Variants in SYN3 observed in about 807,000 individuals in gnomAD.
The protein encoded by SYN3 is synapsin III.
In SYN3, 35 loss-of-function variants were observed where a neutral mutation model predicts 65.8. The observed-to-expected ratio is 0.53, with a 90% CI of 0.41 to 0.70. The LOEUF is 0.70. Among genes scored for constraint, SYN3 ranks in the 30% least tolerant of loss-of-function variants. The pLI, the probability that SYN3 is intolerant of heterozygous loss-of-function variation, is 0.00. For synonymous variants in SYN3, 270 were observed against 292.9 expected, an observed-to-expected ratio of 0.92 and a Z score of 0.80; for missense variants, 680 against 749.0, an observed-to-expected ratio of 0.91 and a Z score of 1.08.
intron 2 of SYN3, among the ~76,000 whole-genome samples, chr22:32,990,280 C>A (rs1235894826): frequency 3.6e-5 from 5 of 139,454 alleles, no homozygotes; most frequent in Non-Finnish European, 7.4e-5. Flanking sequence ...ATCCATGAAT[C>A]CATCCATGAA....
intron 6 of SYN3, among the ~76,000 whole-genome samples, chr22:32,743,115 T>C (rs2044823397): frequency 6.6e-6 from 1 of 152,226 alleles, no homozygotes; most frequent in Non-Finnish European, 1.5e-5. Flanking sequence ...CAATATGAGA[T>C]AATCAGCATT....
intron 6 of SYN3, among the ~76,000 whole-genome samples, chr22:32,800,409 C>A (rs1425269945): frequency 6.6e-6 from 1 of 152,186 alleles, no homozygotes; most frequent in East Asian, 1.9e-4. Flanking sequence ...GAGTTCCTGG[C>A]TGGCCACCAA....
rs1336568722 is a variant in SYN3, at chr22:32,837,533, G to A, written c.711+27382C>T. 6.6e-6 allele frequency among the ~76,000 whole-genome samples: 1 copy of A among 152,150 alleles called. No homozygotes were observed. The highest frequency in any genetic ancestry group is 1.5e-5 in the Non-Finnish European group (1 of 68,026). ...AGGGCTTGAGGGGAGACAGGGTACG[G>A]CGGGAGACAGAGATGCATGAAATAC... On this transcript the variant is annotated intron_variant, in intron 6 of 13. Transcript: ENST00000358763. The surrounding 1 kb of genome is among the most constrained non-coding windows in gnomAD (Gnocchi z 4.1).
intron 7 of SYN3, among the ~76,000 whole-genome samples, chr22:32,592,519 C>T (rs1446511229): frequency 6.6e-6 from 1 of 152,166 alleles, no homozygotes; most frequent in Non-Finnish European, 1.5e-5. Context: ...TGTTCCATCT[C>T]TTGTCTTCTA....
chr22:32,551,527 G>GAA (rs11398828), intron 7 of SYN3, among the ~76,000 whole-genome samples: 62 of 146,228 alleles, frequency 4.2e-4, no homozygotes, highest in South Asian at 1.1e-3. Context: ...AAATGACAAG[G>GAA]AAAAAAAAAA....
chr22:33,045,459 C>CTTTTTTT (rs745442160), intron 1 of SYN3, among the ~76,000 whole-genome samples: 14 of 84,726 alleles, frequency 1.7e-4, no homozygotes, highest in Non-Finnish European at 2.8e-4. Flanking sequence ...GCTCTACTTT[C>CTTTTTTT]TTTTTTTTTT....
intron 2 of SYN3, among the ~76,000 whole-genome samples, chr22:32,992,744 C>T (rs1056722467): frequency 2.0e-5 from 3 of 152,184 alleles, no homozygotes; most frequent in Middle Eastern, 3.4e-3. Flanking sequence ...ACCTGGGAGG[C>T]GGACGTTGCA....
intron 6 of SYN3, among the ~76,000 whole-genome samples, chr22:32,623,258 C>T (rs1376391915): frequency 6.6e-6 from 1 of 151,878 alleles, no homozygotes; most frequent in Non-Finnish European, 1.5e-5. Context: ...ATGATCATTA[C>T]TCACTTCAGT....
rs1426093452 is a variant in SYN3, at chr22:32,837,073, C to G, written c.711+27842G>C. Among the ~76,000 whole-genome samples the G allele has an allele frequency of 6.6e-6, 1 of 152,174 alleles. No homozygotes were observed. Among genetic ancestry groups the G allele is most frequent in the Non-Finnish European group, 1.5e-5 (1 of 68,032 alleles). On this transcript the variant is annotated intron_variant, in intron 6 of 13. Transcript: ENST00000358763. The surrounding 1 kb of genome is among the most constrained non-coding windows in gnomAD (Gnocchi z 4.1). ...AGAGTCCCTCAGCTCTCCTAGCAAA[C>G]AAAATCCCAATTAGGAGAAAAATAA...
At chr22:32,832,022 T>C (rs2047588120) in intron 6 of SYN3, among the ~76,000 whole-genome samples, 1 of 151,940 alleles carries the variant, frequency 6.6e-6, no homozygotes, top group Admixed American at 6.6e-5. Flanking sequence ...AGTTAGCAAA[T>C]GGGCCCCTCT....
intron 7 of SYN3, among the ~76,000 whole-genome samples, chr22:32,577,706 A>G (rs532468327): frequency 6.6e-6 from 1 of 152,030 alleles, no homozygotes; most frequent in Non-Finnish European, 1.5e-5. Context: ...ACCACTTTTT[A>G]CCTCAAGCAC....
chr22:33,053,909 A>G (rs2054212414), intron 1 of SYN3, among the ~76,000 whole-genome samples: 2 of 152,192 alleles, frequency 1.3e-5, no homozygotes, highest in Admixed American at 6.5e-5. Context: ...AATCATGACC[A>G]AAAGATTTGG....
chr22:32,563,635 T>A (rs2058617806), intron 7 of SYN3, among the ~76,000 whole-genome samples: 1 of 152,150 alleles, frequency 6.6e-6, no homozygotes, highest in Admixed American at 6.5e-5. Flanking sequence ...TCAGGGTGGA[T>A]CCTGTAGGCT....
chr22:32,860,531 CA>C (rs2048505584), intron 6 of SYN3: 1 of 152,714 alleles, frequency 6.5e-6, no homozygotes, highest in South Asian at 2.1e-4. Context: ...TCCAAGTTGA[CA>C]TTTTTTTTTC....
chr22:32,727,164 A>C (rs1347398581), intron 6 of SYN3, among the ~76,000 whole-genome samples: 1 of 152,008 alleles, frequency 6.6e-6, no homozygotes, highest in Non-Finnish European at 1.5e-5. Context: ...TGCAAGGCTC[A>C]GTGTGTGTTG....
chr22:32,533,694 G>C, intron 10 of SYN3, 99 bp downstream of exon 10: 1 of 804,170 alleles, frequency 1.2e-6, no homozygotes, highest in Non-Finnish European at 2.0e-6. Context: ...CTGGAGCCAG[G>C]ACACAGCTGA....
chr22:32,836,335 T>C (rs989800824), intron 6 of SYN3, among the ~76,000 whole-genome samples: 6 of 152,208 alleles, frequency 3.9e-5, no homozygotes, highest in Non-Finnish European at 5.9e-5. Flanking sequence ...ACGATGTTCA[T>C]AGAGTAGTTG....
chr22:32,800,296 T>A (rs111824260), intron 6 of SYN3, among the ~76,000 whole-genome samples: 10 of 152,090 alleles, frequency 6.6e-5, no homozygotes, highest in African/African-American at 2.2e-4. Context: ...AGATGGAAGA[T>A]CCCAGCTGCA....
chr22:32,859,686 AAAAC>A, intron 6 of SYN3: 1 of 361,858 alleles, frequency 2.8e-6, no homozygotes, highest in Non-Finnish European at 5.0e-6. Flanking sequence ...TTTTTTTAGG[AAAAC>A]AAAAATGAAA....
Sources: gnomAD v4.1 joint callset for allele counts (sites outside exome capture counted in the v4.1 genomes callset) on GRCh38, gnomAD v4.1.1 for gene constraint, Gnocchi (gnomAD v3.1) non-coding constraint, MANE v1.5 for transcripts, NCBI Gene and HGNC (gene_info 2026-07-23, HGNC 2026-07-21) for gene names.